TSPAN11: variants seen among roughly 807,000 people sequenced by gnomAD.
TSPAN11 encodes the protein tetraspanin 11.
TSPAN11 carries 29 observed loss-of-function variants against 32.9 expected under a neutral mutation model. That is an observed-to-expected ratio of 0.88 (90% CI 0.66 to 1.20). The LOEUF (loss-of-function observed/expected upper bound fraction) is 1.20. Ranked by LOEUF, TSPAN11 falls within the 50% of genes most tolerant of loss-of-function variation. The probability of loss-of-function intolerance (pLI) is 0.00; values close to 1 mark genes in which losing one functional copy is unlikely to be tolerated. For synonymous variants in TSPAN11, 140 were observed against 141.3 expected (o/e 0.99, Z 0.07); for missense variants, 283 against 329.1 (o/e 0.86, Z 1.08).
At chr12:30,929,442 C>A (rs1937871735) in intron 1 of TSPAN11, among the ~76,000 whole-genome samples, 1 of 152,148 alleles carries the variant, frequency 6.6e-6, no homozygotes, top group South Asian at 2.1e-4. Flanking sequence ...AACACAGCAA[C>A]AAGGGCTATG....
At chr12:30,948,150 G>A (rs1461261555) in intron 1 of TSPAN11, among the ~76,000 whole-genome samples, 4 of 152,158 alleles carry the variant, frequency 2.6e-5, no homozygotes, top group East Asian at 1.9e-4. Flanking sequence ...ATGGTCTTAG[G>A]CAGCTCTGCT....
intron 1 of TSPAN11, among the ~76,000 whole-genome samples, chr12:30,931,773 G>A (rs1160879457): frequency 2.0e-5 from 3 of 150,020 alleles, no homozygotes; most frequent in Admixed American, 6.7e-5. Context: ...CCAGCTACTC[G>A]GGAAGCTGAG....
chr12:30,940,068 AG>A (rs1386260522), intron 1 of TSPAN11, among the ~76,000 whole-genome samples: 1 of 152,244 alleles, frequency 6.6e-6, no homozygotes, highest in African/African-American at 2.4e-5. Flanking sequence ...AGACTCCCAA[AG>A]GGCCCTGTTG....
chr12:30,956,844 C>T (rs1938487975), intron 2 of TSPAN11, among the ~76,000 whole-genome samples: 1 of 152,228 alleles, frequency 6.6e-6, no homozygotes, highest in Non-Finnish European at 1.5e-5. Flanking sequence ...GGCACTCTGT[C>T]AGGCTATGGG....
the TSPAN11 span, among the ~76,000 whole-genome samples, chr12:31,013,168 A>T: frequency 6.6e-6 from 1 of 152,210 alleles, no homozygotes; most frequent in Non-Finnish European, 1.5e-5. Context: ...TAGCCACAAA[A>T]ACAATTAAAC....
chr12:30,946,052 G>C (rs900470559), intron 1 of TSPAN11, among the ~76,000 whole-genome samples: 3 of 152,342 alleles, frequency 2.0e-5, no homozygotes, highest in East Asian at 1.9e-4. Context: ...GTTTGTTTCA[G>C]ATGTGAAGGA....
chr12:30,938,235 G>T (rs552614348), intron 1 of TSPAN11, among the ~76,000 whole-genome samples: 1 of 152,332 alleles, frequency 6.6e-6, no homozygotes, highest in East Asian at 1.9e-4. Flanking sequence ...ACTAAGGCTT[G>T]TCTGTTTAAA....
At position 30,978,670 on chromosome 12, in the gene TSPAN11, A is replaced by AG. The variant is rs1939025086; in HGVS notation, c.351+36dup. 4 of 1,606,672 alleles carry AG rather than the reference A, an allele frequency of 2.5e-6. No individual in the cohort carries two copies. The African/African-American group carries it at 5.3e-5, about 21-fold the overall frequency. On this transcript the variant is annotated intron_variant, in intron 4 of 7. Coordinates refer to ENST00000546076, the MANE Select transcript of TSPAN11 (RefSeq NM_001370302.1). ...GTTTCCTCCTCCTGCATCCTCTGTC[A>AG]GTGTCCTGAAGAAGCAATGTGGGTA...
Position 30,996,229 on chromosome 12 carries a change from C to G in TSPAN11, c.*4314C>G, listed in dbSNP as rs1012513871. On this transcript the variant is annotated 3_prime_UTR_variant, in exon 8 of 8. Transcript: ENST00000546076. ...AGGGGACAAGTTACACACCCCAGCC[C>G]CATTTTCCCACCAACTTCTACATGC... 1 of 152,238 alleles carries G rather than the reference C, an allele frequency of 6.6e-6. No homozygotes were observed. The highest frequency in any genetic ancestry group is 6.5e-5 in the Admixed American group (1 of 15,284). 9.4% of individuals were successfully genotyped at this position (152,238 alleles called of 1,614,324 possible). A position where few individuals can be genotyped will look rare whatever the true frequency, so the allele number is the denominator to read the frequency against.
At chr12:30,973,927 G>A (rs756994953) in intron 3 of TSPAN11, among the ~76,000 whole-genome samples, 6 of 152,180 alleles carry the variant, frequency 3.9e-5, no homozygotes, top group Non-Finnish European at 7.3e-5. Context: ...AACCACAGCT[G>A]CTTCAGAAAA....
At chr12:30,928,148 T>G (rs1937841250) in intron 1 of TSPAN11, among the ~76,000 whole-genome samples, 1 of 152,182 alleles carries the variant, frequency 6.6e-6, no homozygotes, top group South Asian at 2.1e-4. Flanking sequence ...GCCTGTGTGA[T>G]TCCCCATAGT....
At chr12:30,937,086 AC>A (rs2140272110) in intron 1 of TSPAN11, among the ~76,000 whole-genome samples, 1 of 152,382 alleles carries the variant, frequency 6.6e-6, no homozygotes, top group East Asian at 1.9e-4. Context: ...AGAAGATGTG[AC>A]CAACTTTTCA....
chr12:30,950,997 G>A (rs1171478650), intron 1 of TSPAN11, among the ~76,000 whole-genome samples: 2 of 152,190 alleles, frequency 1.3e-5, no homozygotes, highest in African/African-American at 4.8e-5. Context: ...ACAGTATTAA[G>A]TGAGGGATAA....
Position 30,926,898 on chromosome 12 carries a change from C to G in TSPAN11, c.-12+102C>G, listed in dbSNP as rs1026804033. On this transcript the variant is annotated intron_variant, in intron 1 of 7. Transcript: ENST00000546076. ...CCGCTGCCCGCCCCGCCGGCAGTCC[C>G]GAGCTAGACTGTCCCGAGCTTCCCC... 9 of 1,248,506 alleles carry G rather than the reference C, an allele frequency of 7.2e-6. No homozygotes were observed. The African/African-American group carries it at 1.1e-4, about 15-fold the overall frequency. 77.3% of individuals were successfully genotyped at this position (1,248,506 alleles called of 1,614,324 possible). A position where few individuals can be genotyped will look rare whatever the true frequency, so the allele number is the denominator to read the frequency against.
At chr12:30,976,528 C>G (rs1938975883) in intron 3 of TSPAN11, among the ~76,000 whole-genome samples, 1 of 152,190 alleles carries the variant, frequency 6.6e-6, no homozygotes, top group African/African-American at 2.4e-5. Context: ...CACAGACGCT[C>G]TCTTCAGCCT....
At chr12:30,989,058 T>C (rs985182999) in intron 7 of TSPAN11, among the ~76,000 whole-genome samples, 10 of 152,182 alleles carry the variant, frequency 6.6e-5, no homozygotes, top group Non-Finnish European at 1.3e-4. Flanking sequence ...GGAGGCTGTG[T>C]TTACTTTGGA....
the TSPAN11 span, chr12:31,012,899 G>A: frequency 6.6e-6 from 1 of 152,332 alleles, no homozygotes; most frequent in East Asian, 1.9e-4. Context: ...AAAGATACAA[G>A]ATATTTTCTG....
At chr12:30,977,295 C>G (rs568152129) in intron 3 of TSPAN11, among the ~76,000 whole-genome samples, 2 of 148,428 alleles carry the variant, frequency 1.3e-5, no homozygotes, top group African/African-American at 4.8e-5. Context: ...GCCCCCGCTC[C>G]GCCGCCACCC....
At chr12:30,973,079 C>T (rs1938886089) in intron 3 of TSPAN11, among the ~76,000 whole-genome samples, 2 of 152,176 alleles carry the variant, frequency 1.3e-5, no homozygotes, top group Admixed American at 1.3e-4. Flanking sequence ...GCCCAGTGAG[C>T]TCATCCGTCC....
Sources: allele counts gnomAD v4.1 joint callset (sites outside exome capture counted in the v4.1 genomes callset), GRCh38; gene constraint gnomAD v4.1.1; transcripts MANE v1.5; gene names NCBI Gene and HGNC (gene_info 2026-07-23, HGNC 2026-07-21).